The following PLEKHA2 variants were observed in gnomAD, a reference collection of about 807,000 sequenced individuals.
PLEKHA2 encodes pleckstrin homology domain containing A2, also known as pleckstrin homology domain-containing family A member 2.
A neutral mutation model predicts 53.2 loss-of-function variants in PLEKHA2; 28 were observed. The ratio of observed to expected loss-of-function variants is 0.53; its 90% confidence interval spans 0.39 to 0.72. PLEKHA2 has a LOEUF of 0.72. Among genes scored for constraint, PLEKHA2 ranks in the 30% least tolerant of loss-of-function variants. The pLI is 0.00. For missense variants in PLEKHA2, 426 were observed against 537.9 expected (o/e 0.79, Z 2.06); for synonymous variants, 193 against 196.4 (o/e 0.98, Z 0.14).
intron 2 of PLEKHA2, among the ~76,000 whole-genome samples, chr8:38,918,535 C>A (rs62643675): frequency 0.015 from 182 of 11,900 alleles, 1 homozygote; most frequent in East Asian, 0.019. Context: ...TGCACACACA[C>A]CCCATATACA....
chr8:38,908,025 T>C lies in PLEKHA2; in HGVS notation c.-24+6580T>C, dbSNP rs188093243. ...TGCACACCACCTCACCTGACACTTA[T>C]TTTAAAATGTCAGTCCTATCTCCCA... On this transcript the variant is annotated intron_variant, in intron 1 of 11. Transcript: ENST00000617275. Among the ~76,000 whole-genome samples, 315 of 152,222 alleles carry C rather than the reference T, an allele frequency of 2.1e-3. 4 individuals are homozygous for C. Among genetic ancestry groups the C allele is most frequent in the Admixed American group, 4.3e-3 (65 of 15,278 alleles).
rs889653102 is a variant in PLEKHA2 at position 38,969,987 on chromosome 8, C to T, written c.*204C>T. The stretch of plus-strand genomic sequence containing the variant: ...TGTGTGTGTGTGTGTGTAATATCAA[C>T]GCAGTGTATTTAATTTGGGGAAGTC... On this transcript the variant is annotated 3_prime_UTR_variant, in exon 12 of 12. Coordinates refer to ENST00000617275, the MANE Select transcript of PLEKHA2 (RefSeq NM_021623.2). 71 of 650,552 alleles carry T rather than the reference C, an allele frequency of 1.1e-4. 2 individuals carry two copies. The highest frequency in any genetic ancestry group is 4.2e-4 in the Middle Eastern group (1 of 2,384). 40.3% of individuals were successfully genotyped at this position (650,552 alleles called of 1,614,324 possible).
chr8:38,955,712 C>T (rs1014057657), intron 9 of PLEKHA2, among the ~76,000 whole-genome samples: 1 of 152,228 alleles, frequency 6.6e-6, no homozygotes, highest in African/African-American at 2.4e-5. Context: ...CATTTTCTTG[C>T]AGGCTTTCTC....
intron 2 of PLEKHA2, among the ~76,000 whole-genome samples, chr8:38,933,790 A>AAAG (rs752002495): frequency 3.3e-5 from 3 of 90,662 alleles, no homozygotes; most frequent in Admixed American, 1.2e-4. Flanking sequence ...AAAAAAAAAA[A>AAAG]AAAAGAAAAG....
chr8:38,969,131 C>T (rs2129425420), intron 11 of PLEKHA2: 1 of 405,222 alleles, frequency 2.5e-6, no homozygotes. Flanking sequence ...AAACTCCTGA[C>T]CTCAGGTGAT....
chr8:38,964,986 G>A (rs1835109208), intron 10 of PLEKHA2, among the ~76,000 whole-genome samples: 2 of 147,260 alleles, frequency 1.4e-5, no homozygotes, highest in Admixed American at 7.0e-5. Context: ...TCCTAACATT[G>A]TGGGATTACA....
intron 1 of PLEKHA2, among the ~76,000 whole-genome samples, chr8:38,913,184 C>T (rs537883167): frequency 7.2e-5 from 11 of 151,998 alleles, no homozygotes; most frequent in African/African-American, 1.2e-4. Context: ...GCCAACATGG[C>T]GAAAGCCCGT....
intron 1 of PLEKHA2, among the ~76,000 whole-genome samples, chr8:38,908,883 G>A (rs1245920373): frequency 6.6e-6 from 1 of 152,130 alleles, no homozygotes; most frequent in African/African-American, 2.4e-5. Flanking sequence ...GGTGGCTCAC[G>A]CCTGTAATCC....
chr8:38,948,891 A>G (rs1465650872), intron 5 of PLEKHA2, among the ~76,000 whole-genome samples: 1 of 151,956 alleles, frequency 6.6e-6, no homozygotes, highest in Non-Finnish European at 1.5e-5. Flanking sequence ...TTTGTTTTGA[A>G]ACGGAGTCTC....
intron 10 of PLEKHA2, 150 bp from the exon 11 acceptor site, chr8:38,968,442 A>G: frequency 1.5e-6 from 1 of 666,414 alleles, no homozygotes. Flanking sequence ...ACATGTCCTT[A>G]AAAGTCTGAA....
chr8:38,938,784 A>G (rs1223615063), intron 3 of PLEKHA2, among the ~76,000 whole-genome samples: 2 of 151,980 alleles, frequency 1.3e-5, no homozygotes, highest in Non-Finnish European at 2.9e-5. Flanking sequence ...TGGTGGCCTC[A>G]CTGGAGTCAG....
chr8:38,922,982 A>T lies in PLEKHA2; in HGVS notation c.141+4912A>T, dbSNP rs1193202042. On this transcript the variant is annotated intron_variant, in intron 2 of 11. Transcript: ENST00000617275. The surrounding 1 kb of genome is among the most constrained non-coding windows in gnomAD (Gnocchi z 4.0). ...CAGCCCGTGCAAGGTCTTGTAGATG[A>T]TGTGGAAAATGAATTCGGTGAGGCC... Among the ~76,000 whole-genome samples, 1 of 152,182 alleles carries T rather than the reference A, an allele frequency of 6.6e-6. No homozygotes were observed. The highest frequency in any genetic ancestry group is 1.5e-5 in the Non-Finnish European group (1 of 68,038).
chr8:38,953,133 G>T (rs1834877615), intron 8 of PLEKHA2, among the ~76,000 whole-genome samples, 164 bp from the exon 9 acceptor site: 1 of 152,060 alleles, frequency 6.6e-6, no homozygotes, highest in African/African-American at 2.4e-5. Context: ...GAGCCACTCT[G>T]CCCAGCCAGA....
chr8:38,921,563 A>AGCCTGGACGCTGT (rs1238858440), intron 2 of PLEKHA2, among the ~76,000 whole-genome samples: 1 of 152,166 alleles, frequency 6.6e-6, no homozygotes, highest in African/African-American at 2.4e-5. Context: ...ACCTGTGCTA[A>AGCCTGGACGCTGT]GCCTGGACGC....
At chr8:38,954,327 G>A (rs774723439) in intron 9 of PLEKHA2, among the ~76,000 whole-genome samples, 4 of 152,142 alleles carry the variant, frequency 2.6e-5, no homozygotes, top group African/African-American at 9.7e-5. Flanking sequence ...TTTATAATTC[G>A]GGAAAGTAGC....
At chr8:38,939,959 G>T (rs1181200390) in intron 3 of PLEKHA2, among the ~76,000 whole-genome samples, 2 of 152,044 alleles carry the variant, frequency 1.3e-5, no homozygotes, top group Non-Finnish European at 2.9e-5. Flanking sequence ...GCTGAGCATG[G>T]TGGTGAGTGT....
At chr8:38,943,894 T>C (rs1214868413) in intron 4 of PLEKHA2, 57 bp downstream of exon 4, 4 of 1,408,660 alleles carry the variant, frequency 2.8e-6, no homozygotes, top group East Asian at 2.5e-5. Context: ...ACTTCCTCTT[T>C]TGCATGGAGA....
chr8:38,930,257 A>C (rs1834366099), intron 2 of PLEKHA2, among the ~76,000 whole-genome samples: 1 of 152,114 alleles, frequency 6.6e-6, no homozygotes, highest in Non-Finnish European at 1.5e-5. Flanking sequence ...GCTGGAGTGC[A>C]GTGGCGCAAT....
chr8:38,928,792 G>A (rs1834334854), intron 2 of PLEKHA2, among the ~76,000 whole-genome samples: 1 of 152,206 alleles, frequency 6.6e-6, no homozygotes, highest in Non-Finnish European at 1.5e-5. Flanking sequence ...CTGGAGAATG[G>A]GGAGAGTAGC....
Sources: allele counts gnomAD v4.1 joint callset (sites outside exome capture counted in the v4.1 genomes callset), GRCh38; gene constraint gnomAD v4.1.1; non-coding constraint Gnocchi (gnomAD v3.1); transcripts MANE v1.5; gene names NCBI Gene and HGNC (gene_info 2026-07-23, HGNC 2026-07-21).